Variants in CDH8 observed in about 807,000 individuals in gnomAD.
CDH8 encodes the protein cadherin-8.
In CDH8, 17 loss-of-function variants were observed where a neutral mutation model predicts 68.1. That is an observed-to-expected ratio of 0.25 (90% CI 0.17 to 0.37). The LOEUF is 0.37. CDH8 is among the 10% of genes least tolerant of loss of function. CDH8 has a pLI of 1.00. For missense variants in CDH8, 763 were observed against 999.3 expected, an observed-to-expected ratio of 0.76 and a Z score of 3.19; for synonymous variants, 372 against 365.1, an observed-to-expected ratio of 1.02 and a Z score of -0.21.
At chr16:61,957,246 A>C (rs1965002867) in intron 2 of CDH8, among the ~76,000 whole-genome samples, 1 of 152,130 alleles carries the variant, frequency 6.6e-6, no homozygotes, top group African/African-American at 2.4e-5. Context: ...AGCTGCTCTC[A>C]GGAATCAAAG....
intron 2 of CDH8, among the ~76,000 whole-genome samples, chr16:61,964,672 G>C (rs992569150): frequency 6.6e-6 from 1 of 151,938 alleles, no homozygotes; most frequent in Non-Finnish European, 1.5e-5. Context: ...TCTGGGCCTC[G>C]GTCTGCCCTG....
At chr16:61,655,873 C>T (rs996998761) in intron 10 of CDH8, 152 bp from the exon 11 acceptor site, 10 of 533,132 alleles carry the variant, frequency 1.9e-5, no homozygotes, top group South Asian at 4.4e-5. Flanking sequence ...CGTCTCCGCA[C>T]TTTTTTTTTT....
intron 8 of CDH8, among the ~76,000 whole-genome samples, chr16:61,735,902 G>A (rs72796892): frequency 0.16 from 24,459 of 151,568 alleles, 2,045 homozygotes; most frequent in African/African-American, 0.2. Context: ...GTAAAACCCC[G>A]TCTCTACTAA....
chr16:61,768,384 C>CTCCCTT (rs1960680841), intron 8 of CDH8, among the ~76,000 whole-genome samples: 1 of 91,372 alleles, frequency 1.1e-5, no homozygotes, highest in African/African-American at 5.0e-5. Flanking sequence ...CTCTCTCTCT[C>CTCCCTT]TCTCTCTCTC....
intron 10 of CDH8, chr16:61,693,312 C>T (rs1964269031): frequency 6.6e-6 from 1 of 151,940 alleles, no homozygotes; most frequent in Non-Finnish European, 1.5e-5. Flanking sequence ...TGCTTTTGTA[C>T]AGAGAAGGTT....
At chr16:61,717,610 A>T (rs1371075635) in intron 9 of CDH8, among the ~76,000 whole-genome samples, 1 of 151,590 alleles carries the variant, frequency 6.6e-6, no homozygotes, top group African/African-American at 2.4e-5. Flanking sequence ...CAGTCAGCAA[A>T]GAAATACATT....
intron 2 of CDH8, among the ~76,000 whole-genome samples, chr16:61,986,390 T>C (rs1199347562): frequency 6.6e-6 from 1 of 152,216 alleles, no homozygotes; most frequent in African/African-American, 2.4e-5. Flanking sequence ...GATCTTTGAA[T>C]TCCCTGGGGA....
In CDH8 at chr16:61,647,757, C is replaced by T. The variant is rs1439444620; in HGVS notation, c.*5851G>A. The T allele has an allele frequency of 2.9e-6, 2 of 696,742 alleles. No individual in the cohort carries two copies. Among genetic ancestry groups the T allele is most frequent in the Non-Finnish European group, 5.2e-6 (2 of 381,572 alleles). 43.2% of individuals were successfully genotyped at this position (696,742 alleles called of 1,614,324 possible). A position where few individuals can be genotyped will look rare whatever the true frequency, so the allele number is the denominator to read the frequency against. On this transcript the variant is annotated 3_prime_UTR_variant, in exon 12 of 12. Transcript: ENST00000577390. ...TACAGAAGAAATCCCAAGAAATTAA[C>T]ATTTGGCTTTGGTGACCTCTCATTT...
chr16:62,007,607 A>G (rs915532642), intron 2 of CDH8, among the ~76,000 whole-genome samples: 1 of 151,908 alleles, frequency 6.6e-6, no homozygotes, highest in Admixed American at 6.6e-5. Flanking sequence ...AAAACAAAAA[A>G]AATCAGAACC....
intron 10 of CDH8, among the ~76,000 whole-genome samples, chr16:61,690,464 G>A (rs970466814): frequency 1.3e-5 from 2 of 152,008 alleles, no homozygotes; most frequent in Non-Finnish European, 2.9e-5. Context: ...GAAAAATGAG[G>A]TTTTAAGGAA....
At chr16:61,856,525 A>G (rs1963051384) in intron 4 of CDH8, among the ~76,000 whole-genome samples, 1 of 152,192 alleles carries the variant, frequency 6.6e-6, no homozygotes, top group African/African-American at 2.4e-5. Flanking sequence ...CTGTACCACC[A>G]GATCACAGGG....
intron 8 of CDH8, among the ~76,000 whole-genome samples, chr16:61,746,787 G>T (rs749799962): frequency 1.3e-5 from 2 of 152,002 alleles, no homozygotes; most frequent in Non-Finnish European, 2.9e-5. Flanking sequence ...TGATGCTCTG[G>T]CTACAAAGCC....
chr16:61,654,164 T>A, intron 11 of CDH8, 63 bp from the exon 12 acceptor site: 1 of 1,461,578 alleles, frequency 6.8e-7, no homozygotes, highest in Non-Finnish European at 9.3e-7. Flanking sequence ...AGCAACACAC[T>A]ATATATGTTA....
intron 3 of CDH8, among the ~76,000 whole-genome samples, chr16:61,876,964 C>G (rs758224440): frequency 5.3e-5 from 8 of 152,136 alleles, no homozygotes; most frequent in Non-Finnish European, 1.2e-4. Context: ...ACTGTACCAT[C>G]ATGGAGAACC....
At chr16:61,843,356 G>GA (rs1486214834) in intron 4 of CDH8, among the ~76,000 whole-genome samples, 1 of 152,218 alleles carries the variant, frequency 6.6e-6, no homozygotes, top group Non-Finnish European at 1.5e-5. Flanking sequence ...GTAGCTGAGT[G>GA]AAAATCATGT....
chr16:61,920,129 A>G (rs1728745075), intron 2 of CDH8, among the ~76,000 whole-genome samples: 1 of 146,106 alleles, frequency 6.8e-6, no homozygotes, highest in Non-Finnish European at 1.5e-5. Flanking sequence ...CTTAAATGTT[A>G]GACCTAAAAC....
chr16:61,927,451 T>C (rs554821385), intron 2 of CDH8, among the ~76,000 whole-genome samples: 3 of 152,274 alleles, frequency 2.0e-5, no homozygotes, highest in East Asian at 3.9e-4. Context: ...TTTATAAGTA[T>C]AAATATTTGT....
At chr16:61,908,677 G>A (rs1964105507) in intron 2 of CDH8, among the ~76,000 whole-genome samples, 1 of 152,208 alleles carries the variant, frequency 6.6e-6, no homozygotes, top group South Asian at 2.1e-4. Flanking sequence ...GGTAGATGGA[G>A]TGGGAGGAGG....
At chr16:62,009,033 A>C (rs8054292) in intron 2 of CDH8, among the ~76,000 whole-genome samples, 7,443 of 45,286 alleles carry the variant, frequency 0.16, 239 homozygotes, top group East Asian at 0.31. Flanking sequence ...TACACACACA[A>C]AAAAAAAAAA....
Sources: allele counts gnomAD v4.1 joint callset (sites outside exome capture counted in the v4.1 genomes callset), GRCh38; gene constraint gnomAD v4.1.1; transcripts MANE v1.5; gene names NCBI Gene and HGNC (gene_info 2026-07-23, HGNC 2026-07-21).